Variants in ANGEL2 observed in about 807,000 individuals in gnomAD.
ANGEL2 encodes RNA 2',3'-cyclic phosphatase ANGEL2.
Under a neutral mutation model 66.0 loss-of-function variants are expected in ANGEL2, and 41 were observed. The ratio of observed to expected loss-of-function variants is 0.62; its 90% confidence interval spans 0.48 to 0.81. The LOEUF (loss-of-function observed/expected upper bound fraction) is 0.81. Ranked by LOEUF, ANGEL2 falls within the 30% of genes least tolerant of loss-of-function variation. The pLI, the probability that ANGEL2 is intolerant of heterozygous loss-of-function variation, is 0.00. For missense variants in ANGEL2, 561 were observed against 641.6 expected (o/e 0.87, Z 1.36); for synonymous variants, 208 against 226.5 (o/e 0.92, Z 0.73).
chr1:213,010,616 A>T (rs1212374844), intron 2 of ANGEL2, among the ~76,000 whole-genome samples: 1 of 151,788 alleles, frequency 6.6e-6, no homozygotes, highest in Non-Finnish European at 1.5e-5. Context: ...AACACAATTC[A>T]TTCATAAACT....
At chr1:213,003,937 C>T (rs188380170) in intron 5 of ANGEL2, among the ~76,000 whole-genome samples, 8 of 152,248 alleles carry the variant, frequency 5.3e-5, no homozygotes, top group African/African-American at 1.4e-4. Flanking sequence ...TGGTGGCTCA[C>T]GCCTGTAATC....
chr1:213,009,629 C>G (rs2076442874), intron 2 of ANGEL2, among the ~76,000 whole-genome samples: 3 of 152,106 alleles, frequency 2.0e-5, no homozygotes, highest in Non-Finnish European at 4.4e-5. Flanking sequence ...GGAAACACAC[C>G]CATATTTTTA....
intron 4 of ANGEL2, among the ~76,000 whole-genome samples, chr1:213,006,080 G>A (rs2076317107): frequency 6.6e-6 from 1 of 152,116 alleles, no homozygotes. Flanking sequence ...CTCCACACAA[G>A]GGAGAAATTT....
At chr1:213,015,261 C>A (rs1227956674) in intron 1 of ANGEL2, 1 of 1,101,178 alleles carries the variant, frequency 9.1e-7, no homozygotes, top group Non-Finnish European at 1.1e-6. Context: ...CGCTCGGTTC[C>A]CGGGACGGTG....
intron 1 of ANGEL2, among the ~76,000 whole-genome samples, chr1:213,013,853 TG>T (rs1001495533): frequency 6.6e-6 from 1 of 152,230 alleles, no homozygotes; most frequent in Non-Finnish European, 1.5e-5. Context: ...TCCTCCAACT[TG>T]GAGTAATAAC....
At chr1:212,995,777 T>C (rs2075976866) in intron 8 of ANGEL2, among the ~76,000 whole-genome samples, 1 of 151,340 alleles carries the variant, frequency 6.6e-6, no homozygotes, top group Non-Finnish European at 1.5e-5. Context: ...GAATAAGTCA[T>C]CTCGTGAGTG....
Position 212,992,390 on chromosome 1 carries a change from T to C in ANGEL2, c.*2651A>G, listed in dbSNP as rs779629748. 2.6e-5 allele frequency: 4 copies of C among 152,200 alleles called. No homozygotes were observed. The highest frequency in any genetic ancestry group is 4.8e-5 in the African/African-American group (2 of 41,456). The allele number at this position is 152,200 out of a possible 1,614,324, so 9.4% of individuals were successfully genotyped here. The stretch of plus-strand genomic sequence containing the variant: ...AGCAAAAGGTACAGTAAAACCAAAA[T>C]TTCATTACTCCACAGTTTACCTTTC... On this transcript the variant is annotated 3_prime_UTR_variant, in exon 9 of 9. Transcript: ENST00000366962.
chr1:213,008,837 T>C (rs2076416566), intron 2 of ANGEL2, among the ~76,000 whole-genome samples: 1 of 152,242 alleles, frequency 6.6e-6, no homozygotes, highest in Non-Finnish European at 1.5e-5. Context: ...ACAACAAATT[T>C]GTATGTCAAA....
At position 213,015,672 on chromosome 1, in the gene ANGEL2, C is replaced by T. The variant is rs1208159155; in HGVS notation, c.-1G>A. 6.2e-7 allele frequency: 1 copy of T among 1,614,212 alleles called. No individual in the cohort carries two copies. Among genetic ancestry groups the T allele is most frequent in the East Asian group, 2.2e-5 (1 of 44,868 alleles). On this transcript the variant is annotated 5_prime_UTR_variant, in exon 1 of 9. Transcript: ENST00000366962. ...TCCTCACACAGCGCCAGGCTTCCAT[C>T]TTCGCCCTCCGCGTGCGTCCAGTTC...
chr1:213,015,369 C>T, intron 1 of ANGEL2: 1 of 1,410,300 alleles, frequency 7.1e-7, no homozygotes, highest in East Asian at 2.6e-5. Flanking sequence ...TGGCCGGCGG[C>T]CCATGAACTC....
chr1:213,010,182 A>T (rs1416986444), intron 2 of ANGEL2, among the ~76,000 whole-genome samples: 1 of 152,162 alleles, frequency 6.6e-6, no homozygotes, highest in Non-Finnish European at 1.5e-5. Context: ...TCATTCACTG[A>T]AGATAGGAAT....
Position 213,015,709 on chromosome 1 carries a change from G to T in ANGEL2, c.-38C>A. On this transcript the variant is annotated 5_prime_UTR_variant, in exon 1 of 9. Coordinates refer to ENST00000366962, the MANE Select transcript of ANGEL2 (RefSeq NM_144567.5). Reference sequence around the variant, plus strand: ...CGTGCGTCCAGTTCCCAGGCCCCGGGTTCCACCTCAATCTCTATAATCGAT... The same window carrying T: ...CGTGCGTCCAGTTCCCAGGCCCCGGTTTCCACCTCAATCTCTATAATCGAT... 3.1e-6 allele frequency: 5 copies of T among 1,613,920 alleles called. No homozygotes were observed. The highest frequency in any genetic ancestry group is 1.7e-4 in the Middle Eastern group (1 of 6,060).
At chr1:213,004,544 A>G (rs996977051) in intron 5 of ANGEL2, among the ~76,000 whole-genome samples, 3 of 152,032 alleles carry the variant, frequency 2.0e-5, no homozygotes, top group Non-Finnish European at 4.4e-5. Flanking sequence ...GATAGATGAA[A>G]AAGATATAAA....
chr1:213,008,467 C>A lies in ANGEL2; in HGVS notation c.386-1G>T. 1 of 1,611,256 alleles carries A rather than the reference C, an allele frequency of 6.2e-7. No individual in the cohort carries two copies. Among genetic ancestry groups the A allele is most frequent in the South Asian group, 1.1e-5 (1 of 90,794 alleles). On this transcript the variant is annotated splice_acceptor_variant, in intron 2 of 8. Coordinates refer to ENST00000366962, the MANE Select transcript of ANGEL2 (RefSeq NM_144567.5). LOFTEE classifies it high-confidence loss of function. ...TATTCCCAATTCCGCTTTATCACAC[C>A]TGTTAAAATATATTGCACAAATATA... is the stretch of plus-strand genomic sequence containing the variant.
rs779513751 is a variant in ANGEL2 at position 212,997,288 on chromosome 1, A to G, written c.1350T>C (p.Ser450=). The G allele has an allele frequency of 2.5e-6, 4 of 1,611,424 alleles. No individual in the cohort carries two copies. In the South Asian group the frequency reaches 4.4e-5, roughly 18 times the overall value. Residue 450 remains serine, a synonymous_variant, in exon 8 of 9, where the codon AGT becomes AGC. Coordinates refer to ENST00000366962, the MANE Select transcript of ANGEL2 (RefSeq NM_144567.5). ...KLSSNLQHHF[S]LSSVYSHYFP... is the part of the protein sequence containing the mutation. ...AGTAATGTGAATAAACAGATGACAA[A>G]CTGAAATGGTGCTGTAAATTTGAAG... is the stretch of plus-strand genomic sequence containing the variant.
rs759378737 is a variant in ANGEL2, at chr1:213,000,768, T to TG, written c.1261+17dup. 3 of 1,590,754 alleles carry TG rather than the reference T, an allele frequency of 1.9e-6. No individual in the cohort carries two copies. Among genetic ancestry groups the TG allele is most frequent in the Non-Finnish European group, 2.6e-6 (3 of 1,174,974 alleles). The stretch of plus-strand genomic sequence containing the variant: ...ATGATTACCCAGCAGACTGCCAAAA[T>TG]GTATTACAAACACTTACCTGTCTTT... On this transcript the variant is annotated intron_variant, in intron 6 of 8. Coordinates refer to ENST00000366962, the MANE Select transcript of ANGEL2 (RefSeq NM_144567.5).
At chr1:213,000,109 CTG>C (rs1159920564) in intron 7 of ANGEL2, among the ~76,000 whole-genome samples, 1 of 152,186 alleles carries the variant, frequency 6.6e-6, no homozygotes, top group Non-Finnish European at 1.5e-5. Flanking sequence ...GACAAAGAAA[CTG>C]AACCTCAGAG....
At position 212,992,690 on chromosome 1, in the gene ANGEL2, T is replaced by G. The variant is rs1234873234; in HGVS notation, c.*2351A>C. On this transcript the variant is annotated 3_prime_UTR_variant, in exon 9 of 9. Coordinates refer to ENST00000366962, the MANE Select transcript of ANGEL2 (RefSeq NM_144567.5). ...ATTTTATGGATTAACTCTATCAAAG[T>G]GAAGCACATGAAAAATGGGCCTAAA... 6.6e-6 allele frequency: 1 copy of G among 152,210 alleles called. No individual in the cohort carries two copies. Among genetic ancestry groups the G allele is most frequent in the Non-Finnish European group, 1.5e-5 (1 of 68,030 alleles). 9.4% of individuals were successfully genotyped at this position (152,210 alleles called of 1,614,324 possible).
At chr1:213,010,395 C>T (rs1267789373) in intron 2 of ANGEL2, among the ~76,000 whole-genome samples, 1 of 151,862 alleles carries the variant, frequency 6.6e-6, no homozygotes. Context: ...CACCGTGAAA[C>T]CCCGTCTCTA....
Sources: gnomAD v4.1 joint callset for allele counts (sites outside exome capture counted in the v4.1 genomes callset) on GRCh38, gnomAD v4.1.1 for gene constraint, MANE v1.5 for transcripts, NCBI Gene and HGNC (gene_info 2026-07-23, HGNC 2026-07-21) for gene names.